ILDR1: variants seen among roughly 807,000 people sequenced by gnomAD.
ILDR1 encodes the protein immunoglobulin like domain containing receptor 1.
In ILDR1, 56 loss-of-function variants were observed where a neutral mutation model predicts 62.4. The ratio of observed to expected loss-of-function variants is 0.90; its 90% confidence interval spans 0.72 to 1.12. The LOEUF is 1.12. Ranked by LOEUF, ILDR1 falls within the 50% of genes most tolerant of loss-of-function variation. ILDR1 has a pLI of 0.00. For synonymous variants in ILDR1, 284 were observed against 277.8 expected, an observed-to-expected ratio of 1.02 and a Z score of -0.22; for missense variants, 736 against 710.6, an observed-to-expected ratio of 1.04 and a Z score of -0.41.
upstream of ILDR1, among the ~76,000 whole-genome samples, chr3:122,024,139 T>C (rs73855498): frequency 2.7e-3 from 411 of 152,150 alleles, 3 homozygotes; most frequent in African/African-American, 9.6e-3. Context: ...ACACAGTATA[T>C]GAAAAAAGGG....
At chr3:122,046,248 C>A in the ILDR1 span, among the ~76,000 whole-genome samples, 59 of 149,644 alleles carry the variant, frequency 3.9e-4, no homozygotes, top group Admixed American at 1.1e-3. Flanking sequence ...ATATCGGCCC[C>A]CACTCTCTTC....
chr3:122,030,618 G>C, the ILDR1 span, among the ~76,000 whole-genome samples: 185 of 108,996 alleles, frequency 1.7e-3, no homozygotes, highest in Non-Finnish European at 3.0e-3. Flanking sequence ...AAGAGGCAAG[G>C]GTTTTTCTCT....
chr3:122,005,398 GGAGA>G lies in ILDR1; in HGVS notation c.230-9_230-6del. ...GGGATAAAGCTGCCTGGTATGCTGA[GGAGA>G]GAGGGCACACTAGAGTCACACAGCA... On this transcript the variant is annotated splice_region_variant and splice_polypyrimidine_tract_variant and intron_variant, in intron 2 of 7. Coordinates refer to ENST00000344209, the MANE Select transcript of ILDR1 (RefSeq NM_001199799.2). 1 of 1,614,164 alleles carries G rather than the reference GGAGA, an allele frequency of 6.2e-7. No individual in the cohort carries two copies. Among genetic ancestry groups the G allele is most frequent in the Non-Finnish European group, 8.5e-7 (1 of 1,180,026 alleles).
At chr3:122,003,819 A>C (rs1389730014) in intron 3 of ILDR1, among the ~76,000 whole-genome samples, 2 of 152,112 alleles carry the variant, frequency 1.3e-5, no homozygotes, top group Admixed American at 1.3e-4. Flanking sequence ...ACTAGCTACT[A>C]TGGGGATTTC....
At chr3:122,058,012 C>T in the ILDR1 span, among the ~76,000 whole-genome samples, 7 of 152,126 alleles carry the variant, frequency 4.6e-5, no homozygotes, top group Non-Finnish European at 7.3e-5. Context: ...CATTGTAATT[C>T]CCAGTTTCTT....
Position 122,011,677 on chromosome 3 carries a change from T to TTCACACACACACACACACACACA in ILDR1, c.59-4517_59-4516insTGTGTGTGTGTGTGTGTGTGTGA, listed in dbSNP as rs139879742. 2.8e-3 allele frequency among the ~76,000 whole-genome samples: 377 copies of TTCACACACACACACACACACACA among 133,196 alleles called. 3 individuals carry two copies. Among genetic ancestry groups the TTCACACACACACACACACACACA allele is most frequent in the African/African-American group, 1.0e-2 (337 of 33,844 alleles). The allele number at this position is 133,196 out of a possible 152,430, so 87.4% of individuals were successfully genotyped here. A position where few individuals can be genotyped will look rare whatever the true frequency, so the allele number is the denominator to read the frequency against. ...CTTTCTCTCTCTCTCTCTCTCTCTT[T>TTCACACACACACACACACACACA]CACACACACACACACACACGGGAAG... On this transcript the variant is annotated intron_variant, in intron 1 of 7. Coordinates refer to ENST00000344209, the MANE Select transcript of ILDR1 (RefSeq NM_001199799.2).
At chr3:122,041,681 T>A in the ILDR1 span, among the ~76,000 whole-genome samples, 5 of 152,190 alleles carry the variant, frequency 3.3e-5, no homozygotes, top group African/African-American at 9.6e-5. Context: ...ATAAATTGAA[T>A]TGTTTTCTTA....
chr3:122,050,414 T>G, the ILDR1 span, among the ~76,000 whole-genome samples: 3 of 152,274 alleles, frequency 2.0e-5, no homozygotes, highest in African/African-American at 7.2e-5. Flanking sequence ...CTTACTTTCT[T>G]TTGTGGAAAT....
At chr3:122,027,102 A>C (rs2107686357), upstream of ILDR1, among the ~76,000 whole-genome samples, 1 of 152,352 alleles carries the variant, frequency 6.6e-6, no homozygotes, top group South Asian at 2.1e-4. Flanking sequence ...TAATGAAGAA[A>C]ATTGTAAACC....
the ILDR1 span, among the ~76,000 whole-genome samples, chr3:122,047,272 C>G: frequency 2.6e-5 from 4 of 152,124 alleles, no homozygotes; most frequent in Non-Finnish European, 5.9e-5. Flanking sequence ...GGCAGTCTGC[C>G]GGTTCTCAGA....
Position 121,993,353 on chromosome 3 carries a change from G to C in ILDR1, c.1396C>G (p.Arg466Gly), listed in dbSNP as rs1329560227. The change falls in exon 7 of 8, where the codon CGC becomes GGC. Residue 466 changes from arginine to glycine, a missense_variant. Physicochemically the swap from Arg to Gly is moderately radical, Grantham distance 125. Transcript: ENST00000344209. ...TQRHGRRRRH[R>G]SYSPPLPSGL... ...GAGGGCAAGGGAGGAGAGTAGCTGC[G>C]GTGCCTGCGTCGTCTCCCGTGCCTC... 4 of 1,609,720 alleles carry C rather than the reference G, an allele frequency of 2.5e-6. No homozygotes were observed.
chr3:122,003,028 A>C (rs573044852), intron 3 of ILDR1, among the ~76,000 whole-genome samples: 1 of 152,202 alleles, frequency 6.6e-6, no homozygotes, highest in East Asian at 1.9e-4. Flanking sequence ...TGGGTCCAGC[A>C]TTATGTCAGG....
chr3:122,027,658 A>T, the ILDR1 span, among the ~76,000 whole-genome samples: 35 of 152,362 alleles, frequency 2.3e-4, no homozygotes, highest in Admixed American at 2.0e-3. Context: ...TTCTAAAATT[A>T]ACTGGAAATT....
Position 121,994,273 on chromosome 3 carries a change from T to G in ILDR1, c.687A>C (p.Leu229=). 6.5e-7 allele frequency: 1 copy of G among 1,536,034 alleles called. No homozygotes were observed. ...GGGGTTTTCCCATCATCTGAGGACC[T>G]AGGGCCTGGGCCTGCTTCATGTAGC... The part of the protein sequence containing the change: ...RHRYMKQAQA[L]GPQMMGKPLY... Residue 229 remains leucine (L), a synonymous_variant, in exon 6 of 8, where the codon CTA becomes CTC. Transcript: ENST00000344209.
the ILDR1 span, among the ~76,000 whole-genome samples, chr3:122,034,768 T>A: frequency 6.6e-6 from 1 of 152,212 alleles, no homozygotes; most frequent in South Asian, 2.1e-4. Context: ...TCCACATGGC[T>A]AGGGAAGCCT....
At chr3:122,021,926 C>CA in intron 1 of ILDR1, 94 bp downstream of exon 1, 1 of 1,262,674 alleles carries the variant, frequency 7.9e-7, no homozygotes, top group Non-Finnish European at 1.1e-6. Flanking sequence ...CCCAGGCCTC[C>CA]ACTGCCCTGC....
At chr3:122,050,637 T>G in the ILDR1 span, among the ~76,000 whole-genome samples, 1 of 16,412 alleles carries the variant, frequency 6.1e-5, no homozygotes, top group South Asian at 3.5e-3. Flanking sequence ...CTTCTATGCT[T>G]TTGTTTTTTT....
At position 122,006,252 on chromosome 3, in the gene ILDR1, GGT is replaced by G. The variant is rs986281070; in HGVS notation, c.229+737_229+738del. Among the ~76,000 whole-genome samples the G allele has an allele frequency of 2.6e-5, 4 of 152,082 alleles. 1 individual carries two copies. Among genetic ancestry groups the G allele is most frequent in the Non-Finnish European group, 5.9e-5 (4 of 68,016 alleles). ...GAGGCTCACTTTTCCCTATGAACAG[GGT>G]GTCTACTTCTATTCTCAAAATCTCC... is the stretch of plus-strand genomic sequence containing the variant. On this transcript the variant is annotated intron_variant, in intron 2 of 7. Coordinates refer to ENST00000344209, the MANE Select transcript of ILDR1 (RefSeq NM_001199799.2).
At chr3:122,053,273 G>A in the ILDR1 span, among the ~76,000 whole-genome samples, 1 of 152,046 alleles carries the variant, frequency 6.6e-6, no homozygotes, top group Admixed American at 6.6e-5. Context: ...AGAAATGTCT[G>A]TTCAACTCTT....
Sources: allele counts gnomAD v4.1 joint callset (sites outside exome capture counted in the v4.1 genomes callset), GRCh38; gene constraint gnomAD v4.1.1; transcripts MANE v1.5; gene names NCBI Gene and HGNC (gene_info 2026-07-23, HGNC 2026-07-21).